Variants in PRKG1 observed in about 807,000 individuals in gnomAD.
PRKG1 encodes the protein cGMP-dependent protein kinase 1.
In PRKG1, 35 loss-of-function variants were observed where a neutral mutation model predicts 88.1. The observed-to-expected ratio is 0.40, with a 90% confidence interval of 0.30 to 0.53. The LOEUF (loss-of-function observed/expected upper bound fraction) is 0.53, where lower values mean the gene tolerates loss of function less well. PRKG1 is among the 20% of genes least tolerant of loss of function. PRKG1 has a pLI of 0.59. For missense variants in PRKG1, 540 were observed against 839.8 expected, an observed-to-expected ratio of 0.64 and a Z score of 4.41; for synonymous variants, 303 against 292.5, an observed-to-expected ratio of 1.04 and a Z score of -0.37.
chr10:52,077,337 A>G (rs1322757620), intron 7 of PRKG1, among the ~76,000 whole-genome samples: 1 of 151,846 alleles, frequency 6.6e-6, no homozygotes, highest in South Asian at 2.1e-4. Context: ...AAAAAAGTAC[A>G]TGCTGTATAA....
At chr10:51,633,250 T>C (rs1223565285) in intron 3 of PRKG1, among the ~76,000 whole-genome samples, 1 of 152,098 alleles carries the variant, frequency 6.6e-6, no homozygotes, top group Non-Finnish European at 1.5e-5. Context: ...TTCTTCCAGG[T>C]CTGTTTTATT....
At chr10:52,076,304 C>T (rs1282214365) in intron 7 of PRKG1, among the ~76,000 whole-genome samples, 1 of 152,222 alleles carries the variant, frequency 6.6e-6, no homozygotes, top group Non-Finnish European at 1.5e-5. Context: ...CGCCCGTAGT[C>T]CCAGCACTTT....
At chr10:52,285,300 A>G (rs927167576) in intron 14 of PRKG1, among the ~76,000 whole-genome samples, 3 of 152,280 alleles carry the variant, frequency 2.0e-5, no homozygotes, top group South Asian at 2.1e-4. Context: ...TGGACTGGGT[A>G]CATAAATTAG....
At chr10:51,297,160 G>A (rs1840742522) in intron 2 of PRKG1, among the ~76,000 whole-genome samples, 1 of 152,054 alleles carries the variant, frequency 6.6e-6, no homozygotes, top group African/African-American at 2.4e-5. Flanking sequence ...TCTGCGAGCT[G>A]TAAGATTGGT....
At chr10:51,725,379 A>G (rs536459322) in intron 3 of PRKG1, among the ~76,000 whole-genome samples, 1 of 152,142 alleles carries the variant, frequency 6.6e-6, no homozygotes, top group Non-Finnish European at 1.5e-5. Flanking sequence ...CAGTGAAGTT[A>G]CTGACTAGTT....
At chr10:51,058,950 G>A (rs778729247) in intron 1 of PRKG1, among the ~76,000 whole-genome samples, 5 of 152,170 alleles carry the variant, frequency 3.3e-5, no homozygotes, top group Non-Finnish European at 7.4e-5. Flanking sequence ...TGTATATGAA[G>A]TAGCTTATGT....
chr10:51,699,036 G>C, intron 3 of PRKG1: 1 of 1,614,256 alleles, frequency 6.2e-7, no homozygotes, highest in Non-Finnish European at 8.5e-7. Context: ...GCCTGCAACA[G>C]TGCATAAGCC....
intron 4 of PRKG1, among the ~76,000 whole-genome samples, chr10:51,828,476 G>T (rs1839930342): frequency 6.6e-6 from 1 of 152,076 alleles, no homozygotes; most frequent in South Asian, 2.1e-4. Context: ...AATTGCAAAG[G>T]GGGAGAGAAG....
chr10:52,175,794 T>C (rs1409144680), intron 9 of PRKG1, among the ~76,000 whole-genome samples: 1 of 152,198 alleles, frequency 6.6e-6, no homozygotes, highest in Non-Finnish European at 1.5e-5. Flanking sequence ...GTATGTCTTC[T>C]GTTGAAAAAT....
At position 51,698,432 on chromosome 10, in the gene PRKG1, C is replaced by T. The variant is rs764346235; in HGVS notation, c.593-106153C>T. 1.1e-4 allele frequency: 183 copies of T among 1,613,974 alleles called. No homozygotes were observed. The highest frequency in any genetic ancestry group is 1.5e-4 in the Non-Finnish European group (178 of 1,180,028). On this transcript the variant is annotated intron_variant, in intron 3 of 17. Coordinates refer to ENST00000373980, the MANE Select transcript of PRKG1 (RefSeq NM_006258.4). Reference sequence around the variant, plus strand: ...CCTCATCTCATGTGAGGAAGGGCCACGAGTGTCATGACCAGAGGCATGATG... The same window carrying T: ...CCTCATCTCATGTGAGGAAGGGCCATGAGTGTCATGACCAGAGGCATGATG...
intron 2 of PRKG1, among the ~76,000 whole-genome samples, chr10:51,185,010 C>G (rs1335067210): frequency 6.6e-6 from 1 of 152,146 alleles, no homozygotes; most frequent in Non-Finnish European, 1.5e-5. Context: ...CTTTACAGGA[C>G]AGCCACTATC....
At chr10:52,218,525 C>T (rs1840169772) in intron 9 of PRKG1, among the ~76,000 whole-genome samples, 1 of 152,064 alleles carries the variant, frequency 6.6e-6, no homozygotes, top group Non-Finnish European at 1.5e-5. Context: ...TAAACTTACC[C>T]AACTGTATGA....
At chr10:51,627,979 T>A (rs1839396152) in intron 3 of PRKG1, among the ~76,000 whole-genome samples, 2 of 32,962 alleles carry the variant, frequency 6.1e-5, no homozygotes, top group Non-Finnish European at 1.3e-4. Context: ...TCTCTTTCTT[T>A]CTTTCTTTCT....
At chr10:52,165,006 A>G (rs1051687217) in intron 9 of PRKG1, among the ~76,000 whole-genome samples, 3 of 152,166 alleles carry the variant, frequency 2.0e-5, no homozygotes, top group Non-Finnish European at 4.4e-5. Flanking sequence ...TGTATAGTCC[A>G]TGTTTTTTAA....
intron 16 of PRKG1, 133 bp downstream of exon 16, chr10:52,289,126 CT>C (rs2132460663): frequency 2.6e-6 from 2 of 767,954 alleles, no homozygotes; most frequent in Non-Finnish European, 4.2e-6. Context: ...ACTAGTAAGG[CT>C]TTTAAATGCC....
intron 2 of PRKG1, among the ~76,000 whole-genome samples, chr10:51,212,722 A>T (rs1366295263): frequency 1.3e-5 from 2 of 152,224 alleles, no homozygotes; most frequent in Admixed American, 1.3e-4. Context: ...AAAAATACTC[A>T]TCATCACTGG....
rs1219543591 is a variant in PRKG1, at chr10:51,918,347, T to TA, written c.762+10777_762+10778insA. On this transcript the variant is annotated intron_variant, in intron 5 of 17. Transcript: ENST00000373980. ...CGACTTGACTTATTTTTTTTTTATT[T>TA]TTTTTTTTGTGAGAGTAATTAGCTT... Among the ~76,000 whole-genome samples, 7 of 152,102 alleles carry TA rather than the reference T, an allele frequency of 4.6e-5. No homozygotes were observed. The East Asian group carries it at 1.2e-3, about 25-fold the overall frequency.
chr10:52,209,572 G>A (rs1476607832), intron 9 of PRKG1, among the ~76,000 whole-genome samples: 2 of 152,132 alleles, frequency 1.3e-5, no homozygotes, highest in Admixed American at 1.3e-4. Context: ...AGGAGTTTTA[G>A]AACCTTTTTT....
chr10:52,037,840 CAGATGGATCTGTA>C (rs1351386063), intron 5 of PRKG1, among the ~76,000 whole-genome samples: 1 of 151,676 alleles, frequency 6.6e-6, no homozygotes, highest in Non-Finnish European at 1.5e-5. Flanking sequence ...AGGGAGAGGT[CAGATGGATCTGTA>C]GAAAAGGAAG....
Sources: allele counts gnomAD v4.1 joint callset (sites outside exome capture counted in the v4.1 genomes callset), GRCh38; gene constraint gnomAD v4.1.1; transcripts MANE v1.5; gene names NCBI Gene and HGNC (gene_info 2026-07-23, HGNC 2026-07-21).